CAPRIN1: variants seen among roughly 807,000 people sequenced by gnomAD.
The protein encoded by CAPRIN1 is cell cycle associated protein 1.
Under a neutral mutation model 100.9 loss-of-function variants are expected in CAPRIN1, and 29 were observed. That is an observed-to-expected ratio of 0.29 (90% CI 0.21 to 0.39). The LOEUF (loss-of-function observed/expected upper bound fraction) is 0.39, where lower values mean the gene tolerates loss of function less well. CAPRIN1 is among the 10% of genes least tolerant of loss of function. The pLI, the probability that CAPRIN1 is intolerant of heterozygous loss-of-function variation, is 1.00. For synonymous variants in CAPRIN1, 338 were observed against 307.5 expected (o/e 1.10, Z -1.04); for missense variants, 795 against 876.7 (o/e 0.91, Z 1.18).
In CAPRIN1 at chr11:34,084,856, A is replaced by G. The variant is rs534786267; in HGVS notation, c.967-1208A>G. Among the ~76,000 whole-genome samples the G allele has an allele frequency of 1.2e-4, 19 of 152,268 alleles. No homozygotes were observed. In the South Asian group the frequency reaches 3.9e-3, roughly 32 times the overall value. On this transcript the variant is annotated intron_variant, in intron 9 of 18. Transcript: ENST00000341394. ...ACATAGTAGGAAGAAGTTGGGAAGCAGTATACAGTGCTTTGTAGTTAAGTA... is the reference window on the plus strand; with the variant it reads ...ACATAGTAGGAAGAAGTTGGGAAGCGGTATACAGTGCTTTGTAGTTAAGTA...
chr11:34,084,127 C>T (rs149534270), intron 9 of CAPRIN1, among the ~76,000 whole-genome samples: 16 of 151,836 alleles, frequency 1.1e-4, no homozygotes, highest in African/African-American at 3.9e-4. Context: ...GAGTCTCACT[C>T]TTGCCCAGTA....
chr11:34,076,135 C>A, intron 4 of CAPRIN1, 101 bp from the exon 5 acceptor site: 1 of 734,032 alleles, frequency 1.4e-6, no homozygotes, highest in Non-Finnish European at 2.3e-6. Context: ...TCATATCTCA[C>A]TCATTGAGTA....
intron 13 of CAPRIN1, 57 bp downstream of exon 13, chr11:34,090,346 C>A: frequency 7.7e-7 from 1 of 1,290,820 alleles, no homozygotes; most frequent in Non-Finnish European, 1.1e-6. Flanking sequence ...ATGAATTGAA[C>A]AGATGTACAT....
chr11:34,062,477 T>C (rs907685352), intron 2 of CAPRIN1, among the ~76,000 whole-genome samples: 1 of 151,794 alleles, frequency 6.6e-6, no homozygotes, highest in South Asian at 2.1e-4. Flanking sequence ...TAAAAAAAAT[T>C]AGCCGGGCGT....
chr11:34,052,277 A>T, intron 1 of CAPRIN1, 144 bp from the exon 2 acceptor site: 1 of 673,038 alleles, frequency 1.5e-6, no homozygotes, highest in Non-Finnish European at 2.5e-6. Context: ...CCTGCCCTCG[A>T]GGCGCGCCGC....
chr11:34,052,706 C>CT, intron 2 of CAPRIN1, 70 bp downstream of exon 2: 3 of 1,489,570 alleles, frequency 2.0e-6, no homozygotes, highest in Non-Finnish European at 2.7e-6. Flanking sequence ...ACCCTGGTCG[C>CT]TGGAGCCTTC....
chr11:34,092,163 T>G, intron 15 of CAPRIN1, 107 bp downstream of exon 15: 1 of 1,103,902 alleles, frequency 9.1e-7, no homozygotes, highest in Non-Finnish European at 1.3e-6. Context: ...AGTTTCTGTT[T>G]TAGTAGCAGA....
chr11:34,065,573 C>T (rs960689394), intron 2 of CAPRIN1, among the ~76,000 whole-genome samples: 4 of 152,128 alleles, frequency 2.6e-5, no homozygotes, highest in Non-Finnish European at 5.9e-5. Context: ...AAATCACTGA[C>T]GTAAACCAAC....
intron 6 of CAPRIN1, 50 bp from the exon 7 acceptor site, chr11:34,079,578 C>A: frequency 6.6e-7 from 1 of 1,507,012 alleles, no homozygotes; most frequent in Non-Finnish European, 9.2e-7. Context: ...TTCTTCAAGC[C>A]AGGCATCCTC....
At chr11:34,095,899 A>C (rs1851359634) in intron 15 of CAPRIN1, 3 of 152,232 alleles carry the variant, frequency 2.0e-5, no homozygotes, top group Admixed American at 1.3e-4. Flanking sequence ...TTGCCATTTT[A>C]AATACTTTGA....
At position 34,052,474 on chromosome 11, in the gene CAPRIN1, A is replaced by C; in HGVS notation, c.54A>C (p.Pro18=). The change falls in exon 2 of 19, where the codon CCA becomes CCC. Residue 18 remains proline (P), a synonymous_variant. Transcript: ENST00000341394. ...SGSGSKSSGP[P]PPSGSSGSEA... ...GCGGCAGCAAGTCGTCCGGACCGCC[A>C]CCGCCGTCGGGTTCCTCCGGGAGTG... 6.2e-7 allele frequency: 1 copy of C among 1,603,826 alleles called. No homozygotes were observed. The highest frequency in any genetic ancestry group is 8.5e-7 in the Non-Finnish European group (1 of 1,176,996).
At chr11:34,070,034 A>AG (rs1387620927) in intron 2 of CAPRIN1, among the ~76,000 whole-genome samples, 3 of 152,122 alleles carry the variant, frequency 2.0e-5, no homozygotes, top group Non-Finnish European at 4.4e-5. Context: ...ATTATTGGTA[A>AG]GGGGGTAAGG....
intron 7 of CAPRIN1, among the ~76,000 whole-genome samples, chr11:34,081,891 A>G (rs1417283653): frequency 6.6e-6 from 1 of 152,146 alleles, no homozygotes; most frequent in Non-Finnish European, 1.5e-5. Flanking sequence ...AGCTTGCTGC[A>G]ACCTCTGCCT....
chr11:34,072,347 T>A (rs1025920971), intron 4 of CAPRIN1, among the ~76,000 whole-genome samples: 6 of 151,700 alleles, frequency 4.0e-5, no homozygotes, highest in African/African-American at 1.2e-4. Context: ...AATTTAAAAA[T>A]TTTTTTAAAA....
intron 15 of CAPRIN1, among the ~76,000 whole-genome samples, chr11:34,094,689 C>CAT (rs1326157605): frequency 6.6e-6 from 1 of 152,036 alleles, no homozygotes; most frequent in East Asian, 1.9e-4. Context: ...TGTAGCTACT[C>CAT]AGGAGGCTAA....
intron 6 of CAPRIN1, among the ~76,000 whole-genome samples, chr11:34,078,703 G>GTA (rs1850953099): frequency 6.6e-6 from 1 of 152,026 alleles, no homozygotes; most frequent in Non-Finnish European, 1.5e-5. Flanking sequence ...TTTATTCCCT[G>GTA]TATTTTAGCC....
intron 15 of CAPRIN1, among the ~76,000 whole-genome samples, chr11:34,092,895 C>T (rs927679072): frequency 9.9e-5 from 15 of 152,068 alleles, no homozygotes; most frequent in Non-Finnish European, 1.5e-4. Flanking sequence ...CTTTGTTGCC[C>T]GGGCTGGAGT....
intron 9 of CAPRIN1, among the ~76,000 whole-genome samples, chr11:34,084,200 C>T (rs1270403639): frequency 1.3e-5 from 2 of 151,968 alleles, no homozygotes; most frequent in Non-Finnish European, 2.9e-5. Flanking sequence ...GTGATCTGCC[C>T]GTTTCAGCCT....
intron 9 of CAPRIN1, among the ~76,000 whole-genome samples, chr11:34,085,532 T>C (rs1369725063): frequency 1.3e-5 from 2 of 152,200 alleles, no homozygotes; most frequent in Admixed American, 1.3e-4. Context: ...AGGCTGGGCA[T>C]GGTGGCTCAT....
Sources: allele counts gnomAD v4.1 joint callset (sites outside exome capture counted in the v4.1 genomes callset), GRCh38; gene constraint gnomAD v4.1.1; transcripts MANE v1.5; gene names NCBI Gene and HGNC (gene_info 2026-07-23, HGNC 2026-07-21).